MAMLD1: variants seen among roughly 807,000 people sequenced by gnomAD.
The protein encoded by MAMLD1 is mastermind-like domain-containing protein 1.
Under a neutral mutation model 45.0 loss-of-function variants are expected in MAMLD1, and 14 were observed. The ratio of observed to expected loss-of-function variants is 0.31; its 90% CI spans 0.21 to 0.49. The LOEUF is 0.49. Among genes scored for constraint, MAMLD1 ranks in the 20% least tolerant of loss-of-function variants. The pLI is 0.99. For synonymous variants in MAMLD1, 254 were observed against 247.8 expected (o/e 1.02, Z -0.24); for missense variants, 543 against 603.6 (o/e 0.90, Z 1.05).
chrX:150,440,985 A>G (rs1251121345), intron 1 of MAMLD1, among the ~76,000 whole-genome samples: 1 of 105,046 alleles, frequency 9.5e-6, no homozygotes, highest in Non-Finnish European at 1.9e-5. Flanking sequence ...ATAAAATAAT[A>G]TAATATAATA....
chrX:150,501,775 C>T (rs782800396), intron 5 of MAMLD1, among the ~76,000 whole-genome samples: 27 of 112,334 alleles, frequency 2.4e-4, no homozygotes, highest in Non-Finnish European at 5.1e-4. Flanking sequence ...CTTGCCTGTA[C>T]TTTTCTTAAT....
intron 3 of MAMLD1, 144 bp downstream of exon 3, chrX:150,462,990 C>T (rs1557405702): frequency 1.9e-6 from 1 of 520,544 alleles, no homozygotes; most frequent in Non-Finnish European, 3.4e-6. Context: ...GAAGGTTGGG[C>T]TTAAATGATC....
chrX:150,437,951 A>T (rs942998828), intron 1 of MAMLD1, among the ~76,000 whole-genome samples: 8 of 89,782 alleles, frequency 8.9e-5, no homozygotes, highest in African/African-American at 3.2e-4. Context: ...AAATAGAATA[A>T]TATAGTATGG....
At chrX:150,381,418 C>T (rs1277984967) in intron 1 of MAMLD1, among the ~76,000 whole-genome samples, 1 of 111,856 alleles carries the variant, frequency 8.9e-6, no homozygotes, top group African/African-American at 3.3e-5. Flanking sequence ...GCAGTTTTAT[C>T]AAATGTGTAG....
chrX:150,455,987 T>C (rs893766700), intron 2 of MAMLD1, among the ~76,000 whole-genome samples: 3 of 110,978 alleles, frequency 2.7e-5, no homozygotes, highest in Admixed American at 9.6e-5. Context: ...GTCACTGCTA[T>C]CTGGCACTAT....
At position 150,381,008 on chromosome X, in the gene MAMLD1, CT is replaced by C. The variant is rs782584905; in HGVS notation, c.-64+17484del. Among the ~76,000 whole-genome samples, 7 of 111,084 alleles carry C rather than the reference CT, an allele frequency of 6.3e-5. No individual in the cohort carries two copies. The South Asian group carries it at 2.7e-3, about 42-fold the overall frequency. ...TGAGCCACAGCACCCATCCCCTTCC[CT>C]TTTTTCAAGAGACTACCCAGCTATC... On this transcript the variant is annotated intron_variant, in intron 1 of 7. Transcript: ENST00000370401.
intron 5 of MAMLD1, among the ~76,000 whole-genome samples, chrX:150,481,964 A>AAAAGAAAGAAAGAAG: frequency 1.8e-5 from 1 of 56,589 alleles, no homozygotes; most frequent in Admixed American, 2.2e-4. Context: ...AAAGAAAGAA[A>AAAAGAAAGAAAGAAG]AAAGAAAGAA....
chrX:150,368,954 G>T (rs1405195430), intron 1 of MAMLD1, among the ~76,000 whole-genome samples: 1 of 111,746 alleles, frequency 8.9e-6, no homozygotes, highest in Non-Finnish European at 1.9e-5. Context: ...ATGCTGTTTT[G>T]GTTACTGTAG....
intron 1 of MAMLD1, among the ~76,000 whole-genome samples, chrX:150,435,364 A>C (rs2035087739): frequency 9.0e-6 from 1 of 110,586 alleles, no homozygotes; most frequent in South Asian, 3.9e-4. Context: ...AAATACAAAA[A>C]ATTAGCTGGG....
intron 5 of MAMLD1, among the ~76,000 whole-genome samples, chrX:150,482,456 C>T (rs2036846440): frequency 8.9e-6 from 1 of 112,407 alleles, no homozygotes; most frequent in Non-Finnish European, 1.9e-5. Flanking sequence ...AGTTGCACAA[C>T]ACTGTGAGTG....
intron 1 of MAMLD1, among the ~76,000 whole-genome samples, chrX:150,394,129 C>CTTTTTCTT (rs2033316119): frequency 8.2e-5 from 1 of 12,256 alleles, no homozygotes; most frequent in Non-Finnish European, 1.3e-4. Flanking sequence ...TATCTACATC[C>CTTTTTCTT]TTTTTTTTTT....
At position 150,512,829 on chromosome X, in the gene MAMLD1, C is replaced by G. The variant is rs1424252268; in HGVS notation, c.*870C>G. On this transcript the variant is annotated 3_prime_UTR_variant, in exon 8 of 8. Transcript: ENST00000370401. ...CCGTTCGACAGAACGGATATTCCCC[C>G]TGAGCTGCCACCTGCCGACTTTTTG... The G allele has an allele frequency of 3.5e-6, 4 of 1,154,327 alleles. No individual in the cohort carries two copies. The African/African-American group carries it at 7.2e-5, about 21-fold the overall frequency.
At chrX:150,372,741 T>TAA (rs35695860) in intron 1 of MAMLD1, among the ~76,000 whole-genome samples, 5,015 of 112,242 alleles carry the variant, frequency 0.045, 133 homozygotes, top group Non-Finnish European at 0.072. Context: ...ACATTCGAGC[T>TAA]AAAGTGAACA....
intron 1 of MAMLD1, among the ~76,000 whole-genome samples, chrX:150,406,633 G>A (rs1339315047): frequency 2.7e-5 from 3 of 111,866 alleles, no homozygotes; most frequent in Non-Finnish European, 5.6e-5. Flanking sequence ...GCACACATTG[G>A]CTGGGTTTGG....
intron 5 of MAMLD1, among the ~76,000 whole-genome samples, chrX:150,485,682 G>A (rs781956635): frequency 8.9e-6 from 1 of 112,229 alleles, no homozygotes; most frequent in Non-Finnish European, 1.9e-5. Flanking sequence ...TATCTAAAAT[G>A]TGTATCACAT....
chrX:150,384,384 C>T (rs181731110), intron 1 of MAMLD1, among the ~76,000 whole-genome samples: 8 of 111,927 alleles, frequency 7.1e-5, no homozygotes, highest in African/African-American at 1.6e-4. Flanking sequence ...CATCTTTTCA[C>T]GTGCTTTATT....
intron 1 of MAMLD1, among the ~76,000 whole-genome samples, chrX:150,399,429 A>C (rs1055937976): frequency 1.8e-5 from 2 of 112,196 alleles, no homozygotes; most frequent in Non-Finnish European, 3.8e-5. Context: ...CCAAAACAAT[A>C]CATTGAAATC....
At chrX:150,483,896 A>T (rs782671171) in intron 5 of MAMLD1, among the ~76,000 whole-genome samples, 28 of 112,601 alleles carry the variant, frequency 2.5e-4, no homozygotes, top group Non-Finnish European at 4.9e-4. Context: ...TTCGAAATTC[A>T]GGCCACTCAT....
chrX:150,497,283 CTTT>C (rs782269885), intron 5 of MAMLD1, among the ~76,000 whole-genome samples: 3 of 85,245 alleles, frequency 3.5e-5, no homozygotes, highest in Non-Finnish European at 4.6e-5. Flanking sequence ...TCTTTTTTTT[CTTT>C]TTTTTTTTTT....
Sources: gnomAD v4.1 joint callset for allele counts (sites outside exome capture counted in the v4.1 genomes callset) on GRCh38, gnomAD v4.1.1 for gene constraint, MANE v1.5 for transcripts, NCBI Gene and HGNC (gene_info 2026-07-23, HGNC 2026-07-21) for gene names.